Variants in FRMD5 observed in about 807,000 individuals in gnomAD.
FRMD5 encodes the protein FERM domain-containing protein 5.
Under a neutral mutation model 69.0 loss-of-function variants are expected in FRMD5, and 20 were observed. The observed-to-expected ratio is 0.29, with a 90% CI of 0.20 to 0.42. FRMD5 has a LOEUF of 0.42. Among genes scored for constraint, FRMD5 ranks in the 10% least tolerant of loss-of-function variants. FRMD5 has a pLI of 1.00. For missense variants in FRMD5, 595 were observed against 708.6 expected (o/e 0.84, Z 1.82); for synonymous variants, 271 against 260.1 (o/e 1.04, Z -0.40).
At chr15:43,983,412 G>A (rs2090577272) in intron 1 of FRMD5, among the ~76,000 whole-genome samples, 1 of 152,078 alleles carries the variant, frequency 6.6e-6, no homozygotes, top group Non-Finnish European at 1.5e-5. Flanking sequence ...ATAATGGGGA[G>A]GCTGTGAGGA....
At chr15:43,992,840 C>G (rs1889750257) in intron 1 of FRMD5, among the ~76,000 whole-genome samples, 1 of 152,156 alleles carries the variant, frequency 6.6e-6, no homozygotes, top group Non-Finnish European at 1.5e-5. Context: ...TCCCAAAGCA[C>G]TGGGATTACA....
chr15:44,070,622 A>G (rs923843499), intron 1 of FRMD5, among the ~76,000 whole-genome samples: 11 of 152,194 alleles, frequency 7.2e-5, no homozygotes, highest in African/African-American at 2.7e-4. Flanking sequence ...TATATACGCC[A>G]CACTTGACAT....
At chr15:44,049,951 C>T in intron 1 of FRMD5, among the ~76,000 whole-genome samples, 1 of 152,102 alleles carries the variant, frequency 6.6e-6, no homozygotes, top group East Asian at 1.9e-4. Flanking sequence ...ATAAACATGT[C>T]TTGTCTCCAG....
chr15:44,156,173 T>G (rs1007582135), intron 1 of FRMD5, among the ~76,000 whole-genome samples: 9 of 152,078 alleles, frequency 5.9e-5, no homozygotes, highest in Admixed American at 2.6e-4. Context: ...AGACAGAGTC[T>G]CGCTCTGTCA....
intron 1 of FRMD5, among the ~76,000 whole-genome samples, chr15:44,144,179 T>C (rs1433087924): frequency 6.6e-6 from 1 of 152,186 alleles, no homozygotes; most frequent in Non-Finnish European, 1.5e-5. Flanking sequence ...CTTCTTTTTT[T>C]CTAGCATAGC....
chr15:44,178,618 G>A (rs377159433), intron 1 of FRMD5, among the ~76,000 whole-genome samples: 2 of 152,166 alleles, frequency 1.3e-5, no homozygotes, highest in Non-Finnish European at 2.9e-5. Flanking sequence ...GTGAACTAGT[G>A]AAAGTCAACA....
intron 1 of FRMD5, among the ~76,000 whole-genome samples, chr15:44,051,433 T>C (rs1187916723): frequency 1.3e-5 from 2 of 151,292 alleles, no homozygotes; most frequent in Non-Finnish European, 3.0e-5. Context: ...TTTAAAGATA[T>C]TACAGTTTTA....
chr15:44,194,859 G>A, intron 1 of FRMD5, 94 bp downstream of exon 1: 1 of 1,051,610 alleles, frequency 9.5e-7, no homozygotes, highest in Non-Finnish European at 1.4e-6. Flanking sequence ...CTGGGGCTGG[G>A]GCGACCCCTG....
At chr15:43,957,926 G>A (rs948947982) in intron 1 of FRMD5, among the ~76,000 whole-genome samples, 3 of 152,104 alleles carry the variant, frequency 2.0e-5, no homozygotes, top group East Asian at 1.9e-4. Flanking sequence ...TACTGTGGGC[G>A]AGACACTATG....
intron 1 of FRMD5, among the ~76,000 whole-genome samples, chr15:43,996,249 G>A (rs1250486028): frequency 6.6e-6 from 1 of 152,168 alleles, no homozygotes. Flanking sequence ...TGGTGGACTT[G>A]GAAGCCTAGT....
At chr15:44,071,814 A>C (rs1893551484) in intron 1 of FRMD5, among the ~76,000 whole-genome samples, 1 of 152,206 alleles carries the variant, frequency 6.6e-6, no homozygotes, top group Non-Finnish European at 1.5e-5. Flanking sequence ...AAATATTTTT[A>C]AAATCGTTTA....
chr15:43,875,363 A>ATATATATAT (rs1555465599), intron 13 of FRMD5, among the ~76,000 whole-genome samples: 5 of 105,326 alleles, frequency 4.7e-5, no homozygotes, highest in African/African-American at 2.0e-4. Flanking sequence ...AAAAAAAAAA[A>ATATATATAT]ATATATATAT....
At chr15:44,100,682 G>A (rs2076625966) in intron 1 of FRMD5, among the ~76,000 whole-genome samples, 1 of 152,276 alleles carries the variant, frequency 6.6e-6, no homozygotes, top group Admixed American at 6.5e-5. Flanking sequence ...GCAAGGAGGT[G>A]CTATCTCCCA....
At chr15:43,888,731 C>T (rs1429156883) in intron 9 of FRMD5, 78 bp downstream of exon 9, 3 of 1,209,238 alleles carry the variant, frequency 2.5e-6, no homozygotes, top group South Asian at 1.3e-5. Flanking sequence ...CTACTGGGGT[C>T]CCTCAAGCTT....
At chr15:43,999,926 TATATATATATATATATATATGCC>T (rs1890108893) in intron 1 of FRMD5, among the ~76,000 whole-genome samples, 405 of 21,624 alleles carry the variant, frequency 0.019, 21 homozygotes, top group African/African-American at 0.036. Flanking sequence ...TGTGTATGTA[TATATATATATATATATATATGCC>T]ATGCATATAT....
intron 2 of FRMD5, among the ~76,000 whole-genome samples, chr15:43,920,764 T>C (rs1249386456): frequency 6.6e-6 from 1 of 152,222 alleles, no homozygotes; most frequent in African/African-American, 2.4e-5. Context: ...AGCACAGTGT[T>C]CAATAGGTAG....
At chr15:44,057,537 TGCTTCTCAAA>T (rs1892923234) in intron 1 of FRMD5, among the ~76,000 whole-genome samples, 2 of 152,242 alleles carry the variant, frequency 1.3e-5, no homozygotes, top group South Asian at 4.1e-4. Flanking sequence ...CGCCTTGCTT[TGCTTCTCAAA>T]GCTTCTCACT....
In FRMD5 at chr15:44,144,254, A is replaced by G. The variant is rs117043941; in HGVS notation, c.102+50699T>C. Among the ~76,000 whole-genome samples, 1,364 of 152,286 alleles carry G rather than the reference A, an allele frequency of 9.0e-3. 10 individuals carry two copies. The highest frequency in any genetic ancestry group is 0.014 in the Non-Finnish European group (957 of 68,018). ...TATAGAGTAGGTATTATTTTTATAAATATTTCTTCATCTTTTCAGTTAAAG... is the reference window on the plus strand; with the variant it reads ...TATAGAGTAGGTATTATTTTTATAAGTATTTCTTCATCTTTTCAGTTAAAG... On this transcript the variant is annotated intron_variant, in intron 1 of 13. Transcript: ENST00000417257.
chr15:44,127,092 C>T lies in FRMD5; in HGVS notation c.102+67861G>A, dbSNP rs76230620. ...ATGTTTCATATAGTCATTTAATAAA[C>T]GTTCTTTTGAAATGGAGTCTCGCTC... On this transcript the variant is annotated intron_variant, in intron 1 of 13. Transcript: ENST00000417257. Among the ~76,000 whole-genome samples the T allele has an allele frequency of 1.5e-3, 225 of 152,192 alleles. No homozygotes were observed. The East Asian group carries it at 0.023, about 16-fold the overall frequency.
Sources: allele counts gnomAD v4.1 joint callset (sites outside exome capture counted in the v4.1 genomes callset), GRCh38; gene constraint gnomAD v4.1.1; transcripts MANE v1.5; gene names NCBI Gene and HGNC (gene_info 2026-07-23, HGNC 2026-07-21).